FNDC3B: variants seen among roughly 807,000 people sequenced by gnomAD.
FNDC3B encodes the protein fibronectin type III domain containing 3B.
Under a neutral mutation model 151.5 loss-of-function variants are expected in FNDC3B, and 12 were observed. That is an observed-to-expected ratio of 0.08 (90% confidence interval 0.05 to 0.13). The LOEUF is 0.13. Ranked by LOEUF, FNDC3B falls within the 10% of genes least tolerant of loss-of-function variation. The pLI is 1.00. For synonymous variants in FNDC3B, 528 were observed against 549.0 expected, an observed-to-expected ratio of 0.96 and a Z score of 0.54; for missense variants, 1,214 against 1,505.3, an observed-to-expected ratio of 0.81 and a Z score of 3.20.
At chr3:172,307,252 C>T (rs1731243996) in intron 9 of FNDC3B, 111 bp from the exon 10 acceptor site, 2 of 1,113,268 alleles carry the variant, frequency 1.8e-6, no homozygotes, top group African/African-American at 1.5e-5. Context: ...ATGATACTCA[C>T]TCCGTAAGAA....
intron 14 of FNDC3B, among the ~76,000 whole-genome samples, chr3:172,333,390 C>T (rs549874550): frequency 3.3e-5 from 5 of 152,062 alleles, no homozygotes; most frequent in South Asian, 2.1e-4. Context: ...GGCACGATCT[C>T]GGCTCACTGC....
At position 172,333,089 on chromosome 3, in the gene FNDC3B, G is replaced by A; in HGVS notation, c.1555G>A (p.Asp519Asn). 1 of 1,607,444 alleles carries A rather than the reference G, an allele frequency of 6.2e-7. No homozygotes were observed. Among genetic ancestry groups the A allele is most frequent in the South Asian group, 1.1e-5 (1 of 90,964 alleles). The change falls in exon 14 of 26, where the codon GAT becomes AAT. Residue 519 changes from aspartate (D) to asparagine (N), a missense_variant and splice_region_variant. Physicochemically the swap from Asp to Asn is conservative, Grantham distance 23. This residue lies in a region of FNDC3B where 111 missense variants were observed against 96.8 expected (regional missense o/e 1.15). Transcript: ENST00000415807. Reference sequence around the variant, plus strand: ...TTTCTTCCTGGCTTTGCCTTTTCAGGATAACCTTTTCCACCCAAAATACAC... The same window carrying A: ...TTTCTTCCTGGCTTTGCCTTTTCAGAATAACCTTTTCCACCCAAAATACAC... ...YTLEIQEDEN[D>N]NLFHPKYTGE...
intron 3 of FNDC3B, among the ~76,000 whole-genome samples, chr3:172,178,815 C>T (rs967027304): frequency 7.9e-5 from 12 of 152,156 alleles, no homozygotes; most frequent in African/African-American, 2.9e-4. Context: ...GGTAAAAAGC[C>T]TGTGCCACAT....
chr3:172,219,099 A>G (rs1726140083), intron 3 of FNDC3B, among the ~76,000 whole-genome samples: 1 of 152,178 alleles, frequency 6.6e-6, no homozygotes, highest in Non-Finnish European at 1.5e-5. Flanking sequence ...GTTTATTTGT[A>G]AAGCTGTGAG....
intron 1 of FNDC3B, among the ~76,000 whole-genome samples, chr3:172,085,954 T>C (rs914901953): frequency 6.6e-6 from 1 of 152,246 alleles, no homozygotes; most frequent in Non-Finnish European, 1.5e-5. Context: ...CTTTTATTTT[T>C]CTGTTTGTAA....
chr3:172,105,217 T>C (rs780779041), intron 1 of FNDC3B, among the ~76,000 whole-genome samples: 10 of 151,992 alleles, frequency 6.6e-5, no homozygotes, highest in South Asian at 2.1e-4. Context: ...TGGGGGGAGG[T>C]TCATGAATGC....
At position 172,199,258 on chromosome 3, in the gene FNDC3B, C is replaced by A. The variant is rs181976223; in HGVS notation, c.188-27613C>A. On this transcript the variant is annotated intron_variant, in intron 3 of 25. Transcript: ENST00000415807. ...GCAGTGGCGCGATCTCGGCTCTCTG[C>A]AGGCTCCGCCTCCCGGGTTCACGCC... is the stretch of plus-strand genomic sequence containing the variant. 4.6e-3 allele frequency among the ~76,000 whole-genome samples: 705 copies of A among 151,676 alleles called. 3 individuals are homozygous for A. Among genetic ancestry groups the A allele is most frequent in the African/African-American group, 0.016 (667 of 41,322 alleles).
intron 3 of FNDC3B, among the ~76,000 whole-genome samples, chr3:172,168,178 A>C (rs1183055395): frequency 1.3e-5 from 2 of 152,224 alleles, no homozygotes; most frequent in Non-Finnish European, 1.5e-5. Flanking sequence ...ATATTTAGTC[A>C]GTGAAAGCAA....
intron 1 of FNDC3B, among the ~76,000 whole-genome samples, chr3:172,060,596 A>G (rs1717151300): frequency 6.6e-6 from 1 of 152,236 alleles, no homozygotes; most frequent in Non-Finnish European, 1.5e-5. Flanking sequence ...GTAGCTGTAA[A>G]GATGCGGCAA....
intron 1 of FNDC3B, among the ~76,000 whole-genome samples, chr3:172,056,283 AGC>A (rs1194771158): frequency 6.6e-6 from 1 of 152,122 alleles, no homozygotes; most frequent in East Asian, 1.9e-4. Context: ...TTTCAGTTTT[AGC>A]CAAGAAATAA....
intron 16 of FNDC3B, among the ~76,000 whole-genome samples, chr3:172,340,418 T>A (rs140992151): frequency 3.4e-4 from 52 of 152,170 alleles, no homozygotes; most frequent in African/African-American, 1.2e-3. Flanking sequence ...CCCAAGTAGC[T>A]GTGATTACAG....
At position 172,296,080 on chromosome 3, in the gene FNDC3B, T is replaced by C. The variant is rs774332118; in HGVS notation, c.1001+566T>C. The stretch of plus-strand genomic sequence containing the variant: ...CCCAGGTATTGACCATTCAAAAGAT[T>C]TATAACTGTGTTCTAAATGTGAGAA... On this transcript the variant is annotated intron_variant, in intron 8 of 25. Transcript: ENST00000415807. Among the ~76,000 whole-genome samples the C allele has an allele frequency of 4.6e-5, 7 of 152,194 alleles. No homozygotes were observed. In the South Asian group the frequency reaches 1.2e-3, roughly 27 times the overall value.
At chr3:172,193,995 C>T (rs546524678) in intron 3 of FNDC3B, among the ~76,000 whole-genome samples, 19 of 151,758 alleles carry the variant, frequency 1.3e-4, no homozygotes, top group Non-Finnish European at 2.2e-4. Context: ...CTGAGGCGGG[C>T]GGATCACAAG....
At chr3:172,261,034 G>C (rs1004490513) in intron 6 of FNDC3B, among the ~76,000 whole-genome samples, 5 of 152,156 alleles carry the variant, frequency 3.3e-5, no homozygotes, top group African/African-American at 1.2e-4. Flanking sequence ...AGGGCAATTA[G>C]TTAAGCTAGA....
chr3:172,106,726 T>A (rs1719670229), intron 1 of FNDC3B, among the ~76,000 whole-genome samples: 1 of 152,126 alleles, frequency 6.6e-6, no homozygotes, highest in African/African-American at 2.4e-5. Context: ...CCTTTGCAGG[T>A]GGGGGCTGCA....
chr3:172,333,046 GA>G, intron 13 of FNDC3B, 42 bp from the exon 14 acceptor site: 1 of 1,324,332 alleles, frequency 7.6e-7, no homozygotes, highest in Non-Finnish European at 1.1e-6. Flanking sequence ...TTAATGCCCA[GA>G]ATTTTTTATA....
At chr3:172,166,686 T>G (rs1213252791) in intron 3 of FNDC3B, among the ~76,000 whole-genome samples, 7 of 152,060 alleles carry the variant, frequency 4.6e-5, no homozygotes, top group Non-Finnish European at 1.0e-4. Context: ...ACCCAGGAGT[T>G]TGAGGCTGCA....
rs1357522207 is a variant in FNDC3B, at chr3:172,040,107, C to T, written c.-29+336C>T. On this transcript the variant is annotated intron_variant, in intron 1 of 25. Transcript: ENST00000415807. This position sits in a 1 kb window ranked among gnomAD's most constrained non-coding sequence, Gnocchi z 6.6. Reference sequence around the variant, plus strand: ...AAATTGGGCAGTGGCTCGCGGCCTCCCCCCACCCCCAGCCTTCCCAGCAGA... The same window carrying T: ...AAATTGGGCAGTGGCTCGCGGCCTCTCCCCACCCCCAGCCTTCCCAGCAGA... Among the ~76,000 whole-genome samples the T allele has an allele frequency of 6.6e-6, 1 of 152,150 alleles. No individual in the cohort carries two copies. The highest frequency in any genetic ancestry group is 2.4e-5 in the African/African-American group (1 of 41,428).
intron 1 of FNDC3B, among the ~76,000 whole-genome samples, chr3:172,044,259 T>C (rs1014076424): frequency 7.5e-6 from 1 of 132,474 alleles, no homozygotes; most frequent in Non-Finnish European, 1.5e-5. Flanking sequence ...TCTGATTTTG[T>C]ATGGAATAGT....
Sources: gnomAD v4.1 joint callset for allele counts (sites outside exome capture counted in the v4.1 genomes callset) on GRCh38, gnomAD v4.1.1 for gene constraint, gnomAD v4.1.1 regional missense constraint, Gnocchi (gnomAD v3.1) non-coding constraint, MANE v1.5 for transcripts, NCBI Gene and HGNC (gene_info 2026-07-23, HGNC 2026-07-21) for gene names.